Variants in CHCHD6 observed in about 807,000 individuals in gnomAD.
CHCHD6 encodes the protein MICOS complex subunit MIC25.
A neutral mutation model predicts 32.3 loss-of-function variants in CHCHD6; 28 were observed. The ratio of observed to expected loss-of-function variants is 0.87; its 90% CI spans 0.64 to 1.19. CHCHD6 has a LOEUF of 1.19. CHCHD6 is among the 50% of genes most tolerant of loss of function. CHCHD6 has a pLI of 0.00. For missense variants in CHCHD6, 333 were observed against 307.0 expected (o/e 1.08, Z -0.63); for synonymous variants, 122 against 117.5 (o/e 1.04, Z -0.25).
At chr3:126,704,446 C>G in intron 1 of CHCHD6, 47 bp downstream of exon 1, 2 of 1,172,634 alleles carry the variant, frequency 1.7e-6, no homozygotes, top group East Asian at 3.2e-5. Context: ...GCCGCGGGCG[C>G]GGGGGGGAGG....
intron 4 of CHCHD6, among the ~76,000 whole-genome samples, chr3:126,783,415 C>T: frequency 6.6e-6 from 1 of 152,220 alleles, no homozygotes; most frequent in East Asian, 1.9e-4. Flanking sequence ...ACTCTTGCCA[C>T]TTCTATTCAA....
chr3:126,863,712 T>C (rs1215918876), intron 5 of CHCHD6, among the ~76,000 whole-genome samples: 763 of 32,318 alleles, frequency 0.024, no homozygotes, highest in East Asian at 0.03. Context: ...CCTCCTCCTC[T>C]ACCATCACCA....
At chr3:126,909,290 G>A (rs903432626) in intron 5 of CHCHD6, among the ~76,000 whole-genome samples, 3 of 152,178 alleles carry the variant, frequency 2.0e-5, no homozygotes, top group Non-Finnish European at 4.4e-5. Context: ...CTATAGTTAT[G>A]GGGGTTCCCC....
At chr3:126,845,660 T>C (rs1432817204) in intron 4 of CHCHD6, among the ~76,000 whole-genome samples, 1 of 152,218 alleles carries the variant, frequency 6.6e-6, no homozygotes, top group African/African-American at 2.4e-5. Context: ...TTTGTCTGTT[T>C]GTGTTTTAAT....
At chr3:126,746,087 G>T (rs1936488587) in intron 4 of CHCHD6, among the ~76,000 whole-genome samples, 1 of 152,190 alleles carries the variant, frequency 6.6e-6, no homozygotes, top group African/African-American at 2.4e-5. Flanking sequence ...TAGGGGTATT[G>T]CTGAGGAGAG....
intron 4 of CHCHD6, among the ~76,000 whole-genome samples, chr3:126,802,135 G>A (rs1002947313): frequency 6.6e-6 from 1 of 152,136 alleles, no homozygotes; most frequent in Non-Finnish European, 1.5e-5. Context: ...AGAAAAACTG[G>A]AAACTCTAAA....
intron 4 of CHCHD6, among the ~76,000 whole-genome samples, chr3:126,784,415 G>A (rs1050666104): frequency 4.6e-4 from 70 of 152,122 alleles, no homozygotes; most frequent in Admixed American, 6.5e-4. Flanking sequence ...GTCAGCCATT[G>A]TGGATGTCAC....
At chr3:126,922,167 C>A (rs2078259800) in intron 6 of CHCHD6, among the ~76,000 whole-genome samples, 1 of 152,172 alleles carries the variant, frequency 6.6e-6, no homozygotes, top group Admixed American at 6.5e-5. Flanking sequence ...TAGTTAATTT[C>A]TTATTTGAAA....
intron 4 of CHCHD6, among the ~76,000 whole-genome samples, chr3:126,768,887 A>AC (rs1937484092): frequency 6.6e-6 from 1 of 151,918 alleles, no homozygotes; most frequent in African/African-American, 2.4e-5. Flanking sequence ...TAATGGGGTT[A>AC]TTTTTTTGCT....
intron 4 of CHCHD6, among the ~76,000 whole-genome samples, chr3:126,787,074 A>C (rs2107683728): frequency 6.6e-6 from 1 of 152,342 alleles, no homozygotes; most frequent in Non-Finnish European, 1.5e-5. Context: ...CAATTTGTTA[A>C]ATAGGGAATC....
At chr3:126,721,634 A>G (rs1307362713) in intron 1 of CHCHD6, among the ~76,000 whole-genome samples, 1 of 152,128 alleles carries the variant, frequency 6.6e-6, no homozygotes. Flanking sequence ...CATGTGATTT[A>G]ATAGTTTTTA....
At chr3:126,808,231 A>T (rs1176511626) in intron 4 of CHCHD6, among the ~76,000 whole-genome samples, 1 of 152,162 alleles carries the variant, frequency 6.6e-6, no homozygotes, top group Non-Finnish European at 1.5e-5. Context: ...TGGGTCTCAT[A>T]GCAGCTTGCC....
At chr3:126,731,132 T>A (rs947995996) in intron 3 of CHCHD6, among the ~76,000 whole-genome samples, 99 of 144,534 alleles carry the variant, frequency 6.8e-4, no homozygotes, top group African/African-American at 2.3e-3. Flanking sequence ...AAAAATCATT[T>A]AAAAAAGCTA....
chr3:126,815,871 G>C (rs981207328), intron 4 of CHCHD6, among the ~76,000 whole-genome samples: 1 of 152,144 alleles, frequency 6.6e-6, no homozygotes, highest in Non-Finnish European at 1.5e-5. Flanking sequence ...AGGAAGAGAC[G>C]CTCACCTCTG....
chr3:126,871,173 A>C (rs1402450753), intron 5 of CHCHD6, among the ~76,000 whole-genome samples: 1 of 152,162 alleles, frequency 6.6e-6, no homozygotes, highest in Non-Finnish European at 1.5e-5. Context: ...GGAGTTTAGT[A>C]GCTCTTTCTC....
chr3:126,914,838 A>T, intron 6 of CHCHD6, 88 bp downstream of exon 6: 2 of 758,486 alleles, frequency 2.6e-6, no homozygotes, highest in South Asian at 2.9e-5. Context: ...CCACCTGCCT[A>T]ATTTCAAGTT....
At chr3:126,714,076 C>CAAAAAAAAAA (rs1157910763) in intron 1 of CHCHD6, among the ~76,000 whole-genome samples, 1 of 28,880 alleles carries the variant, frequency 3.5e-5, no homozygotes, top group Non-Finnish European at 7.0e-5. Context: ...GACTGCATCT[C>CAAAAAAAAAA]AAAAAAAAAA....
chr3:126,767,397 G>A, intron 4 of CHCHD6: 7 of 749,350 alleles, frequency 9.3e-6, no homozygotes, highest in Non-Finnish European at 1.5e-5. Flanking sequence ...CCCTCGATGA[G>A]TCTGGGGGCT....
At chr3:126,902,192 C>T (rs2077938313) in intron 5 of CHCHD6, among the ~76,000 whole-genome samples, 1 of 152,160 alleles carries the variant, frequency 6.6e-6, no homozygotes, top group Admixed American at 6.5e-5. Flanking sequence ...CTAAGGCCCA[C>T]CCTAGACCAG....
Sources: gnomAD v4.1 joint callset for allele counts (sites outside exome capture counted in the v4.1 genomes callset) on GRCh38, gnomAD v4.1.1 for gene constraint, MANE v1.5 for transcripts, NCBI Gene and HGNC (gene_info 2026-07-23, HGNC 2026-07-21) for gene names.